FBN2: variants seen among roughly 807,000 people sequenced by gnomAD.
The protein encoded by FBN2 is fibrillin 2.
A neutral mutation model predicts 355.6 loss-of-function variants in FBN2; 105 were observed. The ratio of observed to expected loss-of-function variants is 0.30; its 90% CI spans 0.25 to 0.35. The LOEUF (loss-of-function observed/expected upper bound fraction) is 0.35. Among genes scored for constraint, FBN2 ranks in the 10% least tolerant of loss-of-function variants. The pLI is 1.00. For missense variants in FBN2, 3,280 were observed against 3,758.7 expected (o/e 0.87, Z 3.33); for synonymous variants, 1,350 against 1,301.2 (o/e 1.04, Z -0.81).
At chr5:128,265,901 G>A (rs1765103345) in intron 62 of FBN2, among the ~76,000 whole-genome samples, 1 of 152,176 alleles carries the variant, frequency 6.6e-6, no homozygotes, top group Admixed American at 6.5e-5. Flanking sequence ...CTGATGCATT[G>A]ACTAACAGTG....
At chr5:128,520,518 A>T (rs940796470) in intron 4 of FBN2, among the ~76,000 whole-genome samples, 1 of 152,156 alleles carries the variant, frequency 6.6e-6, no homozygotes, top group African/African-American at 2.4e-5. Context: ...AGTGAGGTAC[A>T]TATCATAAAA....
chr5:128,281,375 A>G (rs553297022), intron 55 of FBN2, among the ~76,000 whole-genome samples: 152 of 152,294 alleles, frequency 1.0e-3, no homozygotes, highest in African/African-American at 3.4e-3. Flanking sequence ...CTTACAGTGG[A>G]AACCACTGAA....
chr5:128,516,063 C>T (rs6887851), intron 5 of FBN2, among the ~76,000 whole-genome samples: 24,672 of 152,072 alleles, frequency 0.16, 3,644 homozygotes, highest in African/African-American at 0.39. Context: ...GCCACATTTG[C>T]GATCAAGTAA....
intron 17 of FBN2, among the ~76,000 whole-genome samples, chr5:128,365,894 T>C (rs1419068110): frequency 2.0e-5 from 3 of 151,826 alleles, no homozygotes; most frequent in Non-Finnish European, 4.4e-5. Context: ...TGAATCTTAC[T>C]TCTTTACTTG....
At chr5:128,442,343 T>C (rs1002200448) in intron 7 of FBN2, 3 of 456,702 alleles carry the variant, frequency 6.6e-6, no homozygotes, top group African/African-American at 6.0e-5. Flanking sequence ...CAAGGACATC[T>C]GGCTCCTGCT....
chr5:128,263,160 C>T (rs939638471), intron 63 of FBN2, among the ~76,000 whole-genome samples: 6 of 152,208 alleles, frequency 3.9e-5, no homozygotes, highest in African/African-American at 1.4e-4. Context: ...CAAATTGAAT[C>T]AATTCAGGCC....
Position 128,367,722 on chromosome 5 carries a change from T to G in FBN2, c.2249-1292A>C. 1.3e-5 allele frequency among the ~76,000 whole-genome samples: 2 copies of G among 152,250 alleles called. 1 individual carries two copies. Among genetic ancestry groups the G allele is most frequent in the East Asian group, 3.9e-4 (2 of 5,188 alleles). On this transcript the variant is annotated intron_variant, in intron 16 of 64. Transcript: ENST00000262464. ...TGCTCCAAAATGCTTTGTTATATCC[T>G]AATTCCTATTCATATTCAGGTTTCT...
rs749746788 is a variant in FBN2 at position 128,318,185 on chromosome 5, C to T, written c.4681G>A (p.Asp1561Asn). The change falls in exon 36 of 65, where the codon GAT becomes AAT. Residue 1561 changes from aspartate (D) to asparagine (N), a missense_variant. By Grantham distance (23) the Asp-to-Asn change is conservative. Transcript: ENST00000262464. ...PGRYECNCPP[D>N]FQLNPTGVGC... ...ACACCAGTTGGGTTCAACTGAAAAT[C>T]GGGTGGGCAGTTACACTCATAGCGA... 5 of 1,613,916 alleles carry T rather than the reference C, an allele frequency of 3.1e-6. No homozygotes were observed. The highest frequency in any genetic ancestry group is 1.1e-5 in the South Asian group (1 of 91,072).
intron 35 of FBN2, among the ~76,000 whole-genome samples, chr5:128,318,587 T>C (rs1013031990): frequency 1.3e-5 from 2 of 151,760 alleles, no homozygotes; most frequent in Non-Finnish European, 2.9e-5. Flanking sequence ...TGTATATATA[T>C]ATATACATGT....
intron 59 of FBN2, 149 bp downstream of exon 59, chr5:128,275,889 A>G (rs1765382509): frequency 1.2e-6 from 1 of 860,900 alleles, no homozygotes; most frequent in Admixed American, 1.8e-5. Context: ...GCATATTGGT[A>G]GAGTTTTTCT....
intron 6 of FBN2, among the ~76,000 whole-genome samples, chr5:128,447,068 G>T (rs1166415357): frequency 6.6e-6 from 1 of 152,122 alleles, no homozygotes; most frequent in Admixed American, 6.5e-5. Flanking sequence ...TCCTATGTCT[G>T]TCTTTACTTT....
intron 8 of FBN2, among the ~76,000 whole-genome samples, chr5:128,406,002 C>G (rs1752918249): frequency 6.6e-6 from 1 of 152,156 alleles, no homozygotes; most frequent in Admixed American, 6.5e-5. Flanking sequence ...ATACCTATTC[C>G]AAGCTGATTA....
intron 22 of FBN2, among the ~76,000 whole-genome samples, chr5:128,349,730 G>A (rs939903977): frequency 6.6e-6 from 1 of 152,180 alleles, no homozygotes; most frequent in Admixed American, 6.5e-5. Flanking sequence ...AAAGGCTAGC[G>A]ATGTCTTCAT....
intron 25 of FBN2, among the ~76,000 whole-genome samples, chr5:128,341,062 T>C (rs191995883): frequency 8.1e-4 from 123 of 152,224 alleles, no homozygotes; most frequent in African/African-American, 2.9e-3. Flanking sequence ...GACGGACCGG[T>C]AGGATTACTA....
intron 8 of FBN2, among the ~76,000 whole-genome samples, chr5:128,402,449 C>T (rs974025202): frequency 8.6e-5 from 13 of 151,946 alleles, no homozygotes; most frequent in Non-Finnish European, 1.3e-4. Context: ...AGTAATTCAT[C>T]TCCTCTGATT....
At chr5:128,416,461 AG>A (rs1753202004) in intron 7 of FBN2, among the ~76,000 whole-genome samples, 1 of 152,150 alleles carries the variant, frequency 6.6e-6, no homozygotes, top group Non-Finnish European at 1.5e-5. Context: ...TGTGCTTTTG[AG>A]TCGTAGTCAT....
At chr5:128,509,142 A>G (rs1756043821) in intron 5 of FBN2, among the ~76,000 whole-genome samples, 1 of 152,018 alleles carries the variant, frequency 6.6e-6, no homozygotes, top group Admixed American at 6.6e-5. Context: ...GCATTTATCA[A>G]ATTTGGAAAA....
At chr5:128,478,958 T>C (rs1263785963) in intron 5 of FBN2, among the ~76,000 whole-genome samples, 1 of 152,246 alleles carries the variant, frequency 6.6e-6, no homozygotes, top group African/African-American at 2.4e-5. Flanking sequence ...CAACACACTT[T>C]GGCAAACACT....
Position 128,519,301 on chromosome 5 carries a change from AT to A in FBN2, c.599del (p.Tyr200LeufsTer30). 6.2e-7 allele frequency: 1 copy of A among 1,613,886 alleles called. No individual in the cohort carries two copies. Among genetic ancestry groups the A allele is most frequent in the Non-Finnish European group, 8.5e-7 (1 of 1,179,876 alleles). ...TTTCACACTGTGGACCAGTGAACCC[AT>A]AAACACAAGCACAGCGGTTGGGTCC... ...CIGPNRCACVYGFTGPQCERD... is the reference protein window; with the variant it reads ...CIGPNRCACVXGFTGPQCERD... On this transcript the variant is annotated frameshift_variant, in exon 5 of 65. Coordinates refer to ENST00000262464, the MANE Select transcript of FBN2 (RefSeq NM_001999.4). LOFTEE classifies it high-confidence loss of function.
Sources: gnomAD v4.1 joint callset for allele counts (sites outside exome capture counted in the v4.1 genomes callset) on GRCh38, gnomAD v4.1.1 for gene constraint, MANE v1.5 for transcripts, NCBI Gene and HGNC (gene_info 2026-07-23, HGNC 2026-07-21) for gene names.